Variants in PPFIA2 observed in about 807,000 individuals in gnomAD.
PPFIA2 encodes liprin-alpha-2.
In PPFIA2, 46 loss-of-function variants were observed where a neutral mutation model predicts 175.5. That is an observed-to-expected ratio of 0.26 (90% CI 0.21 to 0.34). The LOEUF is 0.34. Among genes scored for constraint, PPFIA2 ranks in the 10% least tolerant of loss-of-function variants. The probability of loss-of-function intolerance (pLI) is 1.00; values close to 1 mark genes in which losing one functional copy is unlikely to be tolerated. For synonymous variants in PPFIA2, 568 were observed against 511.4 expected, an observed-to-expected ratio of 1.11 and a Z score of -1.49; for missense variants, 1,179 against 1,506.1, an observed-to-expected ratio of 0.78 and a Z score of 3.60.
chr12:81,529,193 T>C (rs1490260519), intron 4 of PPFIA2, among the ~76,000 whole-genome samples: 8 of 152,006 alleles, frequency 5.3e-5, no homozygotes, highest in African/African-American at 1.9e-4. Flanking sequence ...CTTATTTTAA[T>C]GGACTACATT....
At chr12:81,666,899 C>T (rs191137830) in intron 4 of PPFIA2, among the ~76,000 whole-genome samples, 29 of 152,244 alleles carry the variant, frequency 1.9e-4, no homozygotes, top group African/African-American at 6.5e-4. Flanking sequence ...TACACCACTA[C>T]ATCTTATGCT....
intron 3 of PPFIA2, among the ~76,000 whole-genome samples, chr12:81,707,585 T>G (rs962575329): frequency 7.1e-4 from 106 of 149,716 alleles, no homozygotes; most frequent in African/African-American, 2.4e-3. Flanking sequence ...GACTGTAAAC[T>G]AGTTCAACCA....
At chr12:81,408,557 A>T (rs1351749309) in intron 7 of PPFIA2, among the ~76,000 whole-genome samples, 2 of 152,196 alleles carry the variant, frequency 1.3e-5, no homozygotes, top group African/African-American at 2.4e-5. Context: ...CAGGCCATCT[A>T]TAAAAGTTTA....
At chr12:81,524,243 T>TTA (rs777172009) in intron 4 of PPFIA2, among the ~76,000 whole-genome samples, 1 of 151,940 alleles carries the variant, frequency 6.6e-6, no homozygotes, top group Non-Finnish European at 1.5e-5. Flanking sequence ...GCAACCAGAG[T>TTA]TCTATTCCAG....
intron 5 of PPFIA2, among the ~76,000 whole-genome samples, chr12:81,450,461 C>T (rs1213887565): frequency 2.0e-5 from 3 of 152,166 alleles, no homozygotes; most frequent in Non-Finnish European, 2.9e-5. Context: ...TGTTCGTATC[C>T]TTCGCCCACT....
At chr12:81,368,896 CTGTT>C in intron 12 of PPFIA2, 40 bp from the exon 13 acceptor site, 1 of 1,579,114 alleles carries the variant, frequency 6.3e-7, no homozygotes, top group Admixed American at 1.8e-5. Context: ...CATTCAAAAA[CTGTT>C]TGAGATTATT....
At chr12:81,693,456 C>G (rs1244325401) in intron 3 of PPFIA2, among the ~76,000 whole-genome samples, 1 of 152,104 alleles carries the variant, frequency 6.6e-6, no homozygotes, top group African/African-American at 2.4e-5. Flanking sequence ...CACTTCCCAC[C>G]ATGACTGAAA....
In PPFIA2 at chr12:81,329,475, A is replaced by AT. The variant is rs3838824; in HGVS notation, c.2549-3606dup. Among the ~76,000 whole-genome samples the AT allele has an allele frequency of 5.0e-4, 75 of 151,472 alleles. No homozygotes were observed. The East Asian group carries it at 8.7e-3, about 18-fold the overall frequency. ...TAAGGTGTGACAGGCACAGTCAAGG[A>AT]TTTTTTTTTGCCAGCCCCTCTTCCT... On this transcript the variant is annotated intron_variant, in intron 21 of 32. Coordinates refer to ENST00000549396, the MANE Select transcript of PPFIA2 (RefSeq NM_003625.5).
Position 81,375,886 on chromosome 12 carries a change from G to A in PPFIA2, c.1041C>T (p.Tyr347=). 3 of 1,612,296 alleles carry A rather than the reference G, an allele frequency of 1.9e-6. No individual in the cohort carries two copies. Among genetic ancestry groups the A allele is most frequent in the Non-Finnish European group, 2.5e-6 (3 of 1,178,522 alleles). The change falls in exon 10 of 33, where the codon TAC becomes TAT. Residue 347 remains tyrosine, a synonymous_variant. Transcript: ENST00000549396. The part of the protein sequence containing the change: ...EERITTLEKR[Y]LSAQRESTSI... ...AGGTAGATTCTCTCTGAGCACTGAG[G>A]TAACGCTTTTCAAGGGTTGTAATTC...
chr12:81,476,830 T>C (rs1388300325), intron 4 of PPFIA2, among the ~76,000 whole-genome samples: 1 of 152,148 alleles, frequency 6.6e-6, no homozygotes, highest in African/African-American at 2.4e-5. Context: ...AATGATAGAC[T>C]GGATAAAGAA....
intron 16 of PPFIA2, among the ~76,000 whole-genome samples, chr12:81,355,328 G>A (rs896134484): frequency 2.6e-5 from 4 of 152,144 alleles, no homozygotes; most frequent in East Asian, 3.9e-4. Flanking sequence ...GTAAACAAAT[G>A]TGCTGTCATC....
At chr12:81,534,588 T>G (rs977389420) in intron 4 of PPFIA2, among the ~76,000 whole-genome samples, 1 of 151,766 alleles carries the variant, frequency 6.6e-6, no homozygotes, top group Non-Finnish European at 1.5e-5. Flanking sequence ...TAAGCACTAA[T>G]AATTTACTGT....
chr12:81,266,249 G>A (rs1048101086), intron 30 of PPFIA2, among the ~76,000 whole-genome samples: 1 of 152,066 alleles, frequency 6.6e-6, no homozygotes, highest in South Asian at 2.1e-4. Flanking sequence ...TCATGCTCAG[G>A]TTTCCTTCCC....
intron 17 of PPFIA2, among the ~76,000 whole-genome samples, chr12:81,348,669 G>A (rs2059486071): frequency 6.6e-6 from 1 of 152,146 alleles, no homozygotes; most frequent in Admixed American, 6.5e-5. Flanking sequence ...CCGGGAGGCA[G>A]AGTTTGCAGT....
intron 11 of PPFIA2, among the ~76,000 whole-genome samples, chr12:81,372,360 G>T (rs1207223127): frequency 1.3e-5 from 2 of 150,958 alleles, no homozygotes; most frequent in Non-Finnish European, 3.0e-5. Context: ...ATGTCTGAGG[G>T]GTTATTAAGA....
At chr12:81,272,424 G>A (rs1201809867) in intron 28 of PPFIA2, among the ~76,000 whole-genome samples, 2 of 152,008 alleles carry the variant, frequency 1.3e-5, no homozygotes, top group East Asian at 3.9e-4. Context: ...GTTTTCAAGT[G>A]ATCTTTTATT....
chr12:81,553,722 T>A (rs2068342851), intron 4 of PPFIA2, among the ~76,000 whole-genome samples: 1 of 152,040 alleles, frequency 6.6e-6, no homozygotes, highest in Non-Finnish European at 1.5e-5. Flanking sequence ...GCTAGTCCCA[T>A]CTGCTTTCCA....
At chr12:81,720,412 C>A (rs186681345) in intron 3 of PPFIA2, among the ~76,000 whole-genome samples, 29 of 151,530 alleles carry the variant, frequency 1.9e-4, no homozygotes, top group South Asian at 2.1e-4. Flanking sequence ...CATAAGTGGA[C>A]CTAAAATGGG....
chr12:81,285,509 C>T (rs989736581), intron 24 of PPFIA2, among the ~76,000 whole-genome samples: 1 of 151,934 alleles, frequency 6.6e-6, no homozygotes, highest in Admixed American at 6.6e-5. Context: ...TATGTATATA[C>T]ATACATATAT....
Sources: allele counts gnomAD v4.1 joint callset (sites outside exome capture counted in the v4.1 genomes callset), GRCh38; gene constraint gnomAD v4.1.1; transcripts MANE v1.5; gene names NCBI Gene and HGNC (gene_info 2026-07-23, HGNC 2026-07-21).